The following THSD4 variants were observed in gnomAD, a reference collection of about 807,000 sequenced individuals.
The protein encoded by THSD4 is thrombospondin type 1 domain containing 4, also known as thrombospondin type-1 domain-containing protein 4.
A neutral mutation model predicts 119.0 loss-of-function variants in THSD4; 69 were observed. The observed-to-expected ratio is 0.58, with a 90% CI of 0.48 to 0.71. The LOEUF (loss-of-function observed/expected upper bound fraction) is 0.71. Among genes scored for constraint, THSD4 ranks in the 30% least tolerant of loss-of-function variants. THSD4 has a pLI of 0.00. For missense variants in THSD4, 1,393 were observed against 1,391.1 expected (o/e 1.00, Z -0.02); for synonymous variants, 524 against 540.4 (o/e 0.97, Z 0.42).
At chr15:71,237,259 A>C (rs1317596862) in intron 4 of THSD4, among the ~76,000 whole-genome samples, 2 of 152,198 alleles carry the variant, frequency 1.3e-5, no homozygotes, top group Non-Finnish European at 2.9e-5. Context: ...ACAGACCAAG[A>C]GCATCATCAT....
chr15:71,283,145 A>C (rs2044676304), intron 6 of THSD4, among the ~76,000 whole-genome samples: 1 of 151,884 alleles, frequency 6.6e-6, no homozygotes, highest in East Asian at 1.9e-4. Flanking sequence ...AATGTTTTGT[A>C]TTTTTAGTAG....
intron 6 of THSD4, among the ~76,000 whole-genome samples, chr15:71,406,546 C>T (rs2046608230): frequency 6.6e-6 from 1 of 152,060 alleles, no homozygotes; most frequent in Non-Finnish European, 1.5e-5. Context: ...GATCTTCTGT[C>T]TCATTGCTCC....
At chr15:71,136,230 A>G (rs551001863) in intron 1 of THSD4, among the ~76,000 whole-genome samples, 17 of 152,146 alleles carry the variant, frequency 1.1e-4, no homozygotes, top group Non-Finnish European at 2.9e-5. Flanking sequence ...CATGCAAGAA[A>G]AAAGTGGTTT....
At chr15:71,206,367 C>T (rs1268185840) in intron 3 of THSD4, among the ~76,000 whole-genome samples, 1 of 152,166 alleles carries the variant, frequency 6.6e-6, no homozygotes, top group Non-Finnish European at 1.5e-5. Flanking sequence ...TGCACAGGCC[C>T]CAGGTTGTCC....
At chr15:71,471,781 A>G (rs1275534602) in intron 7 of THSD4, among the ~76,000 whole-genome samples, 1 of 152,046 alleles carries the variant, frequency 6.6e-6, no homozygotes, top group Non-Finnish European at 1.5e-5. Context: ...AGGTAAGATC[A>G]TCCATAGTGC....
At chr15:71,389,810 G>GTTTTTTTTTTTGT (rs1555408977) in intron 6 of THSD4, among the ~76,000 whole-genome samples, 3 of 87,998 alleles carry the variant, frequency 3.4e-5, no homozygotes, top group Admixed American at 1.4e-4. Context: ...TTTCTGGGTT[G>GTTTTTTTTTTTGT]TTTTTTTTTT....
chr15:71,740,287 G>C (rs2053209769), intron 11 of THSD4, among the ~76,000 whole-genome samples: 1 of 152,152 alleles, frequency 6.6e-6, no homozygotes, highest in South Asian at 2.1e-4. Flanking sequence ...GAGACTCTGT[G>C]ATATTATAGA....
At chr15:71,498,756 C>T (rs1430266969) in intron 7 of THSD4, among the ~76,000 whole-genome samples, 2 of 152,078 alleles carry the variant, frequency 1.3e-5, no homozygotes, top group Non-Finnish European at 2.9e-5. Flanking sequence ...ACAGCAGTGG[C>T]ATGATCATGG....
intron 7 of THSD4, among the ~76,000 whole-genome samples, chr15:71,433,403 C>G (rs2046966680): frequency 6.7e-6 from 1 of 150,008 alleles, no homozygotes; most frequent in South Asian, 2.1e-4. Flanking sequence ...ACAATTACAT[C>G]TTAATTGCTT....
chr15:71,469,851 TA>T (rs2047549255), intron 7 of THSD4, among the ~76,000 whole-genome samples: 1 of 152,194 alleles, frequency 6.6e-6, no homozygotes, highest in Non-Finnish European at 1.5e-5. Flanking sequence ...CAACATGTGC[TA>T]AATGATATAC....
chr15:71,773,686 A>G (rs187574891), intron 17 of THSD4, among the ~76,000 whole-genome samples: 20 of 152,368 alleles, frequency 1.3e-4, no homozygotes, highest in Middle Eastern at 6.8e-3. Flanking sequence ...ACACTTCGGT[A>G]TATCCCAGAG....
intron 8 of THSD4, among the ~76,000 whole-genome samples, chr15:71,683,819 CAA>C (rs1350488476): frequency 6.6e-6 from 1 of 152,050 alleles, no homozygotes; most frequent in Non-Finnish European, 1.5e-5. Context: ...ACTAAAAATA[CAA>C]AAATTTAGCT....
rs34395762 is a variant in THSD4, at chr15:71,323,096, T to TAAA, written c.1015+66402_1015+66404dup. 8.2e-3 allele frequency among the ~76,000 whole-genome samples: 803 copies of TAAA among 98,474 alleles called. 7 individuals carry two copies. The highest frequency in any genetic ancestry group is 0.015 in the African/African-American group (351 of 23,938). 64.6% of individuals were successfully genotyped at this position (98,474 alleles called of 152,430 possible). A position where few individuals can be genotyped will look rare whatever the true frequency, so the allele number is the denominator to read the frequency against. The stretch of plus-strand genomic sequence containing the variant: ...TGGTTGTTGGAGTGAGACCCTGTCT[T>TAAA]AAAAAAAAAAAAAAAAAAAAAAAGA... On this transcript the variant is annotated intron_variant, in intron 6 of 17. Transcript: ENST00000261862.
intron 6 of THSD4, among the ~76,000 whole-genome samples, chr15:71,396,300 G>GCA (rs142856960): frequency 0.03 from 4,212 of 142,744 alleles, 66 homozygotes; most frequent in South Asian, 0.054. Context: ...GCGTACATAT[G>GCA]CACACACACA....
chr15:71,458,250 A>G (rs1234731845), intron 7 of THSD4, among the ~76,000 whole-genome samples: 2 of 152,252 alleles, frequency 1.3e-5, no homozygotes, highest in African/African-American at 4.8e-5. Flanking sequence ...TGAACTTAGA[A>G]CAAGGATTTT....
At chr15:71,409,546 T>C (rs932441830) in intron 6 of THSD4, among the ~76,000 whole-genome samples, 24 of 152,202 alleles carry the variant, frequency 1.6e-4, no homozygotes, top group African/African-American at 5.8e-4. Context: ...GGTATTCTTT[T>C]ATTTTTTCCC....
intron 7 of THSD4, among the ~76,000 whole-genome samples, chr15:71,603,246 A>G (rs996772556): frequency 1.3e-5 from 2 of 152,206 alleles, no homozygotes; most frequent in South Asian, 2.1e-4. Context: ...GGTGAGGGGA[A>G]TGGAATTTAC....
chr15:71,467,743 A>ACC (rs2047519630), intron 7 of THSD4, among the ~76,000 whole-genome samples: 1 of 151,788 alleles, frequency 6.6e-6, no homozygotes, highest in Non-Finnish European at 1.5e-5. Flanking sequence ...CATAATTCCC[A>ACC]TGTGTCATGG....
At chr15:71,283,529 T>C (rs2044680879) in intron 6 of THSD4, among the ~76,000 whole-genome samples, 1 of 152,216 alleles carries the variant, frequency 6.6e-6, no homozygotes. Context: ...ATTAAAGACT[T>C]GGTCCCTAAT....
Sources: allele counts gnomAD v4.1 joint callset (sites outside exome capture counted in the v4.1 genomes callset), GRCh38; gene constraint gnomAD v4.1.1; transcripts MANE v1.5; gene names NCBI Gene and HGNC (gene_info 2026-07-23, HGNC 2026-07-21).